Variants in CLVS2 observed in about 807,000 individuals in gnomAD.
The protein encoded by CLVS2 is clavesin 2.
A neutral mutation model predicts 29.0 loss-of-function variants in CLVS2; 19 were observed. The ratio of observed to expected loss-of-function variants is 0.66; its 90% CI spans 0.46 to 0.96. The LOEUF is 0.96. CLVS2 is among the 40% of genes least tolerant of loss of function. The pLI is 0.00. For synonymous variants in CLVS2, 161 were observed against 151.3 expected (o/e 1.06, Z -0.47); for missense variants, 294 against 404.1 (o/e 0.73, Z 2.34).
chr6:123,072,380 G>A lies in CLVS2; in HGVS notation c.*8619G>A, dbSNP rs916353896. On this transcript the variant is annotated 3_prime_UTR_variant, in exon 6 of 6. Transcript: ENST00000275162. ...TTATTCCTCTTTGTGTGCTATGTAG[G>A]ACATTGTTAACCAATATAGATTATG... The A allele has an allele frequency of 6.6e-6, 1 of 152,024 alleles. No homozygotes were observed. The highest frequency in any genetic ancestry group is 1.5e-5 in the Non-Finnish European group (1 of 67,958). 9.4% of individuals were successfully genotyped at this position (152,024 alleles called of 1,614,324 possible).
At position 123,071,827 on chromosome 6, in the gene CLVS2, G is replaced by A. The variant is rs1772954324; in HGVS notation, c.*8066G>A. On this transcript the variant is annotated 3_prime_UTR_variant, in exon 6 of 6. Transcript: ENST00000275162. Reference sequence around the variant, plus strand: ...AACCATTTTAACAATTGGGTTTCATGTTACATATCTTTAAATTTTTATGTT... The same window carrying A: ...AACCATTTTAACAATTGGGTTTCATATTACATATCTTTAAATTTTTATGTT... 1 of 151,926 alleles carries A rather than the reference G, an allele frequency of 6.6e-6. No homozygotes were observed. The allele number at this position is 151,926 out of a possible 1,614,324, so 9.4% of individuals were successfully genotyped here. A position where few individuals can be genotyped will look rare whatever the true frequency, so the allele number is the denominator to read the frequency against.
intron 3 of CLVS2, among the ~76,000 whole-genome samples, chr6:123,018,394 T>G (rs1186938223): frequency 6.6e-6 from 1 of 152,102 alleles, no homozygotes; most frequent in Non-Finnish European, 1.5e-5. Flanking sequence ...GCATCGGTTT[T>G]TTCTGTAGAT....
At chr6:123,062,488 T>G (rs1772793252) in intron 5 of CLVS2, among the ~76,000 whole-genome samples, 1 of 151,994 alleles carries the variant, frequency 6.6e-6, no homozygotes, top group African/African-American at 2.4e-5. Context: ...AGTCTTTTTT[T>G]TCCATGATAG....
chr6:122,999,154 T>G (rs1774553069), intron 2 of CLVS2, among the ~76,000 whole-genome samples: 1 of 152,106 alleles, frequency 6.6e-6, no homozygotes, highest in South Asian at 2.1e-4. Context: ...TGTTAAAACA[T>G]TGGTGTATTT....
chr6:123,009,698 C>T (rs768441560), intron 2 of CLVS2, among the ~76,000 whole-genome samples: 74 of 151,786 alleles, frequency 4.9e-4, no homozygotes, highest in African/African-American at 1.7e-3. Flanking sequence ...TGAGTGTGTC[C>T]GGGGAAAAAA....
chr6:123,000,126 A>G (rs1774570706), intron 2 of CLVS2, among the ~76,000 whole-genome samples: 2 of 152,204 alleles, frequency 1.3e-5, no homozygotes, highest in Non-Finnish European at 2.9e-5. Flanking sequence ...AATGTGTATT[A>G]GAACAAAATG....
At chr6:123,020,202 T>C (rs1219911930) in intron 3 of CLVS2, among the ~76,000 whole-genome samples, 3 of 152,072 alleles carry the variant, frequency 2.0e-5, no homozygotes, top group Non-Finnish European at 4.4e-5. Flanking sequence ...TCCAAAATAC[T>C]TGGGATCAGA....
intron 3 of CLVS2, among the ~76,000 whole-genome samples, chr6:123,011,764 G>C (rs1774751686): frequency 6.6e-6 from 1 of 151,820 alleles, no homozygotes; most frequent in Admixed American, 6.6e-5. Flanking sequence ...ATTATTTAGT[G>C]GTCTGTCATA....
intron 2 of CLVS2, among the ~76,000 whole-genome samples, chr6:123,004,637 G>T (rs1020067700): frequency 5.3e-5 from 8 of 152,180 alleles, no homozygotes; most frequent in African/African-American, 1.9e-4. Context: ...ACCAGGCCAG[G>T]CACGGTGGCT....
intron 3 of CLVS2, among the ~76,000 whole-genome samples, chr6:123,028,581 G>C (rs1412042608): frequency 1.3e-5 from 2 of 152,158 alleles, no homozygotes; most frequent in Non-Finnish European, 2.9e-5. Flanking sequence ...TCACACAGCA[G>C]CTCTTTTCAT....
chr6:123,039,599 G>T (rs994255482), intron 3 of CLVS2, among the ~76,000 whole-genome samples: 2 of 152,092 alleles, frequency 1.3e-5, no homozygotes, highest in African/African-American at 4.8e-5. Flanking sequence ...ATTGTATCAG[G>T]CACACACCAG....
intron 3 of CLVS2, among the ~76,000 whole-genome samples, chr6:123,033,666 A>G (rs942322244): frequency 1.3e-5 from 2 of 152,136 alleles, no homozygotes; most frequent in African/African-American, 4.8e-5. Context: ...AAGAGTTCTT[A>G]GACTTGGTGC....
At position 123,068,260 on chromosome 6, in the gene CLVS2, T is replaced by C. The variant is rs1772892959; in HGVS notation, c.*4499T>C. The C allele has an allele frequency of 6.6e-6, 1 of 151,622 alleles. No homozygotes were observed. Among genetic ancestry groups the C allele is most frequent in the Non-Finnish European group, 1.5e-5 (1 of 67,674 alleles). 9.4% of individuals were successfully genotyped at this position (151,622 alleles called of 1,614,324 possible). A position where few individuals can be genotyped will look rare whatever the true frequency, so the allele number is the denominator to read the frequency against. On this transcript the variant is annotated 3_prime_UTR_variant, in exon 6 of 6. Coordinates refer to ENST00000275162, the MANE Select transcript of CLVS2 (RefSeq NM_001010852.4). ...GTAGAAATCACTTAATTATAGGAGT[T>C]AAATATAATCAATGCACTCATGGTA...
intron 3 of CLVS2, among the ~76,000 whole-genome samples, chr6:123,038,936 A>G (rs1775191010): frequency 6.6e-6 from 1 of 152,190 alleles, no homozygotes; most frequent in Non-Finnish European, 1.5e-5. Flanking sequence ...CATTATGGAC[A>G]TAACAAGTAT....
intron 2 of CLVS2, among the ~76,000 whole-genome samples, chr6:123,008,656 G>A (rs1196350215): frequency 2.0e-5 from 3 of 150,982 alleles, no homozygotes; most frequent in Non-Finnish European, 4.4e-5. Context: ...TCTTCACCGT[G>A]ATATTATTAT....
rs1449797967 is a variant in CLVS2 at position 123,055,952 on chromosome 6, C to T, written c.822C>T (p.Ser274=). Residue 274 remains serine, a synonymous_variant, in exon 5 of 6, where the codon AGC becomes AGT. Transcript: ENST00000275162. ...TLLDHEYDDD[S]EYNVDSYSMP... is the part of the protein sequence containing the mutation. Reference sequence around the variant, plus strand: ...TAGACCATGAATATGACGATGACAGCGAGTACAATGTAGACTCCTACAGCA... The same window carrying T: ...TAGACCATGAATATGACGATGACAGTGAGTACAATGTAGACTCCTACAGCA... 11 of 1,613,846 alleles carry T rather than the reference C, an allele frequency of 6.8e-6. No individual in the cohort carries two copies. The highest frequency in any genetic ancestry group is 2.2e-5 in the East Asian group (1 of 44,830).
At chr6:123,056,938 A>G (rs565422549) in intron 5 of CLVS2, among the ~76,000 whole-genome samples, 78 of 152,304 alleles carry the variant, frequency 5.1e-4, no homozygotes, top group African/African-American at 1.8e-3. Flanking sequence ...GTCAGAGTCC[A>G]AATACCTGCT....
At position 123,066,194 on chromosome 6, in the gene CLVS2, G is replaced by T. The variant is rs767176613; in HGVS notation, c.*2433G>T. ...TTCAACTTTATAAATTTACCCCTCA[G>T]CACCAGCTATCTAGCACTGTTTAGG... On this transcript the variant is annotated 3_prime_UTR_variant, in exon 6 of 6. Coordinates refer to ENST00000275162, the MANE Select transcript of CLVS2 (RefSeq NM_001010852.4). The T allele has an allele frequency of 5.9e-5, 9 of 151,628 alleles. No homozygotes were observed. Among genetic ancestry groups the T allele is most frequent in the Non-Finnish European group, 1.3e-4 (9 of 67,746 alleles). The allele number at this position is 151,628 out of a possible 1,614,324, so 9.4% of individuals were successfully genotyped here.
In CLVS2 at chr6:123,065,310, CAG is replaced by C. The variant is rs910552443; in HGVS notation, c.*1551_*1552del. On this transcript the variant is annotated 3_prime_UTR_variant, in exon 6 of 6. Coordinates refer to ENST00000275162, the MANE Select transcript of CLVS2 (RefSeq NM_001010852.4). ...GTATTCTTTTGGAAGAAAAATATCT[CAG>C]AAACTCTTGGAAACCAACAAAAATA... is the stretch of plus-strand genomic sequence containing the variant. The C allele has an allele frequency of 4.0e-5, 6 of 151,710 alleles. No individual in the cohort carries two copies. Among genetic ancestry groups the C allele is most frequent in the Non-Finnish European group, 8.9e-5 (6 of 67,768 alleles). The allele number at this position is 151,710 out of a possible 1,614,324, so 9.4% of individuals were successfully genotyped here. A position where few individuals can be genotyped will look rare whatever the true frequency, so the allele number is the denominator to read the frequency against.
Sources: allele counts gnomAD v4.1 joint callset (sites outside exome capture counted in the v4.1 genomes callset), GRCh38; gene constraint gnomAD v4.1.1; transcripts MANE v1.5; gene names NCBI Gene and HGNC (gene_info 2026-07-23, HGNC 2026-07-21).